PRKN: variants seen among roughly 807,000 people sequenced by gnomAD.
The protein encoded by PRKN is parkin RBR E3 ubiquitin protein ligase, also known as E3 ubiquitin-protein ligase parkin.
Under a neutral mutation model 59.5 loss-of-function variants are expected in PRKN, and 56 were observed. The observed-to-expected ratio is 0.94, with a 90% confidence interval of 0.76 to 1.18. The LOEUF (loss-of-function observed/expected upper bound fraction) is 1.18. Ranked by LOEUF, PRKN falls within the 50% of genes most tolerant of loss-of-function variation. The pLI is 0.00. For missense variants in PRKN, 657 were observed against 596.4 expected, an observed-to-expected ratio of 1.10 and a Z score of -1.06; for synonymous variants, 250 against 222.1, an observed-to-expected ratio of 1.13 and a Z score of -1.12.
intron 1 of PRKN, chr6:162,569,378 G>C: frequency 1.2e-5 from 8 of 656,012 alleles, no homozygotes; most frequent in South Asian, 1.1e-4. Flanking sequence ...GCAGGACATG[G>C]CGTGGCAGCT....
intron 9 of PRKN, among the ~76,000 whole-genome samples, chr6:161,506,991 T>C (rs1408154463): frequency 6.6e-6 from 1 of 152,114 alleles, no homozygotes; most frequent in Non-Finnish European, 1.5e-5. Flanking sequence ...CACAAGAGGA[T>C]GTCACAGGCC....
rs144237302 is a variant in PRKN, at chr6:162,680,915, CA to C, written c.7+46746del. Among the ~76,000 whole-genome samples the C allele has an allele frequency of 2.1e-3, 324 of 152,186 alleles. 3 individuals carry two copies. The highest frequency in any genetic ancestry group is 7.3e-3 in the African/African-American group (305 of 41,534). On this transcript the variant is annotated intron_variant, in intron 1 of 11. Transcript: ENST00000366898. The stretch of plus-strand genomic sequence containing the variant: ...TCCTTATTATTGTTTTCACAGCAGC[CA>C]CAATGTGATTAATATTGGAAAAGGC...
At position 161,575,167 on chromosome 6, in the gene PRKN, AG is replaced by A. The variant is rs1427643401; in HGVS notation, c.872-5752del. Among the ~76,000 whole-genome samples, 2 of 152,204 alleles carry A rather than the reference AG, an allele frequency of 1.3e-5. No individual in the cohort carries two copies. Among genetic ancestry groups the A allele is most frequent in the Admixed American group, 1.3e-4 (2 of 15,282 alleles). On this transcript the variant is annotated intron_variant, in intron 7 of 11. Coordinates refer to ENST00000366898, the MANE Select transcript of PRKN (RefSeq NM_004562.3). This position sits in a 1 kb window ranked among gnomAD's most constrained non-coding sequence, Gnocchi z 4.6. Reference sequence around the variant, plus strand: ...AGCTTTTTGGTGTTAAAAATGAATAAGACAATTTGTTAAAAAGCATATAAAC... The same window carrying A: ...AGCTTTTTGGTGTTAAAAATGAATAAACAATTTGTTAAAAAGCATATAAAC...
intron 2 of PRKN, among the ~76,000 whole-genome samples, chr6:162,305,335 T>C (rs571235891): frequency 8.5e-4 from 129 of 152,276 alleles, no homozygotes; most frequent in Non-Finnish European, 1.6e-3. Context: ...TCCAGAAAGA[T>C]GAAGATAAAC....
intron 6 of PRKN, among the ~76,000 whole-genome samples, chr6:161,971,179 A>T (rs1430286980): frequency 6.6e-6 from 1 of 152,196 alleles, no homozygotes; most frequent in African/African-American, 2.4e-5. Context: ...TTATTTTTCC[A>T]GCAATTATCA....
rs150722506 is a variant in PRKN at position 161,666,754 on chromosome 6, T to C, written c.872-97338A>G. Among the ~76,000 whole-genome samples the C allele has an allele frequency of 3.8e-3, 578 of 152,316 alleles. 3 individuals are homozygous for C. The highest frequency in any genetic ancestry group is 0.013 in the African/African-American group (546 of 41,560). ...TCCTGAATGATATAAGACTATCTGA[T>C]TGGATACTAGTATAAGTCTGATGTT... is the stretch of plus-strand genomic sequence containing the variant. On this transcript the variant is annotated intron_variant, in intron 7 of 11. Coordinates refer to ENST00000366898, the MANE Select transcript of PRKN (RefSeq NM_004562.3).
Position 161,385,575 on chromosome 6 carries a change from A to G in PRKN, c.1167+1219T>C, listed in dbSNP as rs933201685. ...CTTTCCCTTACAGCTACTGTTTCCAAATAAATACTGTAGATGCCAGAGTAT... is the reference window on the plus strand; with the variant it reads ...CTTTCCCTTACAGCTACTGTTTCCAGATAAATACTGTAGATGCCAGAGTAT... On this transcript the variant is annotated intron_variant, in intron 10 of 11. Coordinates refer to ENST00000366898, the MANE Select transcript of PRKN (RefSeq NM_004562.3). This position sits in a 1 kb window ranked among gnomAD's most constrained non-coding sequence, Gnocchi z 4.9. Among the ~76,000 whole-genome samples, 1 of 152,178 alleles carries G rather than the reference A, an allele frequency of 6.6e-6. No homozygotes were observed. Among genetic ancestry groups the G allele is most frequent in the Admixed American group, 6.5e-5 (1 of 15,276 alleles).
rs570380404 is a variant in PRKN, at chr6:161,550,831, G to A, written c.934-1828C>T. Among the ~76,000 whole-genome samples the A allele has an allele frequency of 2.0e-5, 3 of 151,924 alleles. No individual in the cohort carries two copies. Among genetic ancestry groups the A allele is most frequent in the South Asian group, 2.1e-4 (1 of 4,800 alleles). On this transcript the variant is annotated intron_variant, in intron 8 of 11. Transcript: ENST00000366898. The surrounding 1 kb of genome is among the most constrained non-coding windows in gnomAD (Gnocchi z 4.0). ...TCAGTTTGATAAGCTATTACACAGC[G>A]ATGTCAAAATGTCCAGTATCTAATT... is the stretch of plus-strand genomic sequence containing the variant.
chr6:161,578,055 T>C lies in PRKN; in HGVS notation c.872-8639A>G, dbSNP rs1319055839. The stretch of plus-strand genomic sequence containing the variant: ...GACAGGGATTCTGCCTTCCTGGAGC[T>C]TGCAGAAGAAATAAGACGCACACCA... On this transcript the variant is annotated intron_variant, in intron 7 of 11. Coordinates refer to ENST00000366898, the MANE Select transcript of PRKN (RefSeq NM_004562.3). The surrounding 1 kb of genome is among the most constrained non-coding windows in gnomAD (Gnocchi z 4.2). Among the ~76,000 whole-genome samples the C allele has an allele frequency of 6.6e-6, 1 of 152,130 alleles. No homozygotes were observed. Among genetic ancestry groups the C allele is most frequent in the Non-Finnish European group, 1.5e-5 (1 of 68,024 alleles).
chr6:162,216,404 C>G (rs1035228206), intron 3 of PRKN, among the ~76,000 whole-genome samples: 1 of 151,448 alleles, frequency 6.6e-6, no homozygotes, highest in African/African-American at 2.4e-5. Flanking sequence ...GTGGCGGGCG[C>G]CTGTAGTCCC....
At chr6:162,630,257 T>C (rs1360630768) in intron 1 of PRKN, among the ~76,000 whole-genome samples, 3 of 152,172 alleles carry the variant, frequency 2.0e-5, no homozygotes, top group South Asian at 2.1e-4. Context: ...CAACTATAAA[T>C]TCTTCCCTAA....
At chr6:161,790,385 C>A (rs115854675) in intron 6 of PRKN, among the ~76,000 whole-genome samples, 1,815 of 152,290 alleles carry the variant, frequency 0.012, 44 homozygotes, top group African/African-American at 0.042. Flanking sequence ...CTCTAGGAGA[C>A]ACACCTAGCA....
Position 161,526,641 on chromosome 6 carries a change from G to A in PRKN, c.1083+22213C>T, listed in dbSNP as rs967109050. Among the ~76,000 whole-genome samples the A allele has an allele frequency of 1.3e-5, 2 of 151,358 alleles. No homozygotes were observed. The highest frequency in any genetic ancestry group is 2.9e-5 in the Non-Finnish European group (2 of 67,874). On this transcript the variant is annotated intron_variant, in intron 9 of 11. Transcript: ENST00000366898. This position sits in a 1 kb window ranked among gnomAD's most constrained non-coding sequence, Gnocchi z 4.1. The stretch of plus-strand genomic sequence containing the variant: ...AAAGCATCAGTAATTGCTACATGAG[G>A]AGCAAACCCTCTGATATAATTTTAC...
In PRKN at chr6:162,404,373, A is replaced by AAG. The variant is rs1222428458; in HGVS notation, c.171+38936_171+38937insCT. Among the ~76,000 whole-genome samples the AAG allele has an allele frequency of 4.9e-4, 75 of 151,696 alleles. 1 individual carries two copies. Among genetic ancestry groups the AAG allele is most frequent in the African/African-American group, 1.7e-3 (69 of 41,406 alleles). ...CGACAGAGTGAGACTCTGTCAGAAAAAAAAAAAAAGAAAGAAAGAAAGAAA... is the reference window on the plus strand; with the variant it reads ...CGACAGAGTGAGACTCTGTCAGAAAAAGAAAAAAAAAGAAAGAAAGAAAGAAA... On this transcript the variant is annotated intron_variant, in intron 2 of 11. Transcript: ENST00000366898.
intron 7 of PRKN, among the ~76,000 whole-genome samples, chr6:161,780,737 G>A (rs1043184551): frequency 5.9e-5 from 9 of 152,072 alleles, no homozygotes; most frequent in East Asian, 1.9e-4. Context: ...AATAGGCTCC[G>A]AGACAGAAGC....
At position 161,560,353 on chromosome 6, in the gene PRKN, C is replaced by T. The variant is rs1780412150; in HGVS notation, c.933+9002G>A. On this transcript the variant is annotated intron_variant, in intron 8 of 11. Coordinates refer to ENST00000366898, the MANE Select transcript of PRKN (RefSeq NM_004562.3). This position sits in a 1 kb window ranked among gnomAD's most constrained non-coding sequence, Gnocchi z 4.9. ...AGGCCAGAGGTGAAGATGGTTGTCC[C>T]TTGGCTCCTTAACGACGCCCCCAAA... Among the ~76,000 whole-genome samples the T allele has an allele frequency of 3.3e-5, 5 of 152,244 alleles. No individual in the cohort carries two copies. In the South Asian group the frequency reaches 8.3e-4, roughly 25 times the overall value.
rs149452684 is a variant in PRKN at position 162,592,245 on chromosome 6, G to A, written c.7+135417C>T. On this transcript the variant is annotated intron_variant, in intron 1 of 11. Transcript: ENST00000366898. ...ACTCCTGACCTCAAGTGATTTGCCC[G>A]CCTTGGCCTCCCAAAGATTACAGGT... 4.6e-5 allele frequency among the ~76,000 whole-genome samples: 7 copies of A among 152,240 alleles called. No individual in the cohort carries two copies. The East Asian group carries it at 1.4e-3, about 29-fold the overall frequency.
At chr6:162,333,116 T>G (rs1400944083) in intron 2 of PRKN, among the ~76,000 whole-genome samples, 1 of 152,152 alleles carries the variant, frequency 6.6e-6, no homozygotes, top group Non-Finnish European at 1.5e-5. Context: ...TATTTTGAAT[T>G]TTAACTAGAG....
chr6:162,294,455 C>A (rs1781573467), intron 2 of PRKN, among the ~76,000 whole-genome samples: 2 of 152,110 alleles, frequency 1.3e-5, no homozygotes, highest in African/African-American at 4.8e-5. Context: ...GCAAGAAATA[C>A]AAATTGTGGA....
Sources: allele counts gnomAD v4.1 joint callset (sites outside exome capture counted in the v4.1 genomes callset), GRCh38; gene constraint gnomAD v4.1.1; non-coding constraint Gnocchi (gnomAD v3.1); transcripts MANE v1.5; gene names NCBI Gene and HGNC (gene_info 2026-07-23, HGNC 2026-07-21).